MYH3: variants seen among roughly 807,000 people sequenced by gnomAD.
MYH3 encodes the protein myosin heavy chain 3, also known as myosin-3.
In MYH3, 130 loss-of-function variants were observed where a neutral mutation model predicts 238.0. The observed-to-expected ratio is 0.55, with a 90% CI of 0.47 to 0.63. The LOEUF is 0.63. Among genes scored for constraint, MYH3 ranks in the 30% least tolerant of loss-of-function variants. MYH3 has a pLI of 0.00. For missense variants in MYH3, 1,853 were observed against 2,374.9 expected (o/e 0.78, Z 4.57); for synonymous variants, 880 against 924.1 (o/e 0.95, Z 0.86).
At chr17:10,640,970 G>A in intron 19 of MYH3, 115 bp downstream of exon 19, 1 of 945,592 alleles carries the variant, frequency 1.1e-6, no homozygotes, top group Non-Finnish European at 1.7e-6. Context: ...CAGTTTACAT[G>A]GAGGTCCATA....
At chr17:10,668,686 T>C in the MYH3 span, among the ~76,000 whole-genome samples, 5 of 152,212 alleles carry the variant, frequency 3.3e-5, no homozygotes, top group Non-Finnish European at 5.9e-5. Flanking sequence ...TGCTTACTTA[T>C]AGGAGTTTTA....
chr17:10,649,678 A>T lies in MYH3; in HGVS notation c.541T>A (p.Ser181Thr). 1 of 1,614,090 alleles carries T rather than the reference A, an allele frequency of 6.2e-7. No individual in the cohort carries two copies. The stretch of plus-strand genomic sequence containing the variant: ...GTGTTCACAGTCTTTCCTGCCCCGG[A>T]TTCTCCGCTGTACAGAGTGATCAAA... ...ENQSILITGE[S>T]GAGKTVNTKR... The change falls in exon 7 of 41, where the codon TCC (serine) becomes ACC (threonine). Residue 181 changes from serine to threonine, a missense_variant. Around this residue, in one of 3 missense-constraint regions of MYH3, gnomAD observed 678 missense variants for 1,058.9 expected, o/e 0.64. Transcript: ENST00000583535.
intron 40 of MYH3, among the ~76,000 whole-genome samples, chr17:10,629,211 G>A (rs1472021474): frequency 6.6e-6 from 1 of 151,918 alleles, no homozygotes; most frequent in Non-Finnish European, 1.5e-5. Flanking sequence ...CCCGGTGTGT[G>A]ATGTTCCCCT....
chr17:10,664,062 TAAAAAAA>T, the MYH3 span, among the ~76,000 whole-genome samples: 1 of 63,342 alleles, frequency 1.6e-5, no homozygotes, highest in Non-Finnish European at 3.3e-5. Context: ...GACTCCGTCT[TAAAAAAA>T]AAAAAAAAAA....
upstream of MYH3, among the ~76,000 whole-genome samples, chr17:10,661,596 C>T (rs778836778): frequency 2.8e-4 from 42 of 152,276 alleles, no homozygotes; most frequent in Non-Finnish European, 2.2e-4. Flanking sequence ...TGCAGGCCGG[C>T]TCAGCAGGCA....
In MYH3 at chr17:10,635,740, T is replaced by G; in HGVS notation, c.3970A>C (p.Asn1324His). Residue 1324 changes from asparagine to histidine, a missense_variant, in exon 29 of 41, where the codon AAC (asparagine) becomes CAC (histidine). This residue lies in a region of MYH3 where 1,044 missense variants were observed against 1,192.6 expected (regional missense o/e 0.88). Transcript: ENST00000583535. ...EELKRQLEEE[N>H]KAKNALAHAL... Reference sequence around the variant, plus strand: ...GTCTTCCTTCAATGGTGTACCTTGTTCTCTTCCTCCAGCTGCCTCTTGAGC... The same window carrying G: ...GTCTTCCTTCAATGGTGTACCTTGTGCTCTTCCTCCAGCTGCCTCTTGAGC... 1 of 1,613,968 alleles carries G rather than the reference T, an allele frequency of 6.2e-7. No homozygotes were observed. Among genetic ancestry groups the G allele is most frequent in the Non-Finnish European group, 8.5e-7 (1 of 1,179,800 alleles).
chr17:10,629,294 T>C (rs1022673764), intron 40 of MYH3, among the ~76,000 whole-genome samples: 5 of 152,108 alleles, frequency 3.3e-5, no homozygotes, highest in Non-Finnish European at 5.9e-5. Context: ...GTTTTCTGTT[T>C]CTGTGTTAGT....
chr17:10,669,566 CA>C, the MYH3 span, among the ~76,000 whole-genome samples: 164 of 96,426 alleles, frequency 1.7e-3, no homozygotes, highest in Middle Eastern at 6.3e-3. Context: ...GAGTCCATCT[CA>C]AAAAAAAAAA....
chr17:10,671,759 T>G, the MYH3 span, among the ~76,000 whole-genome samples: 1 of 151,918 alleles, frequency 6.6e-6, no homozygotes, highest in South Asian at 2.1e-4. Flanking sequence ...TTTTGTATTT[T>G]TAGTAGAGAC....
chr17:10,635,084 A>G, intron 30 of MYH3, 61 bp from the exon 31 acceptor site: 15 of 1,535,410 alleles, frequency 9.8e-6, no homozygotes, highest in Non-Finnish European at 1.3e-5. Context: ...GAACATCACT[A>G]TTCATCAAGT....
chr17:10,637,995 G>T (rs1367286851), intron 27 of MYH3, 48 bp downstream of exon 27: 1 of 1,613,930 alleles, frequency 6.2e-7, no homozygotes, highest in Non-Finnish European at 8.5e-7. Context: ...AATGACCACG[G>T]AGTGTGTCTG....
the MYH3 span, chr17:10,674,447 CA>C: frequency 5.2e-5 from 15 of 286,972 alleles, no homozygotes; most frequent in South Asian, 2.2e-4. Context: ...AACAAACAAA[CA>C]AAAAAACAGA....
chr17:10,652,011 G>C (rs999476812), intron 4 of MYH3: 1 of 391,522 alleles, frequency 2.6e-6, no homozygotes, highest in Admixed American at 3.7e-5. Context: ...AAAGTGCTGG[G>C]ATTACGGGCG....
the MYH3 span, among the ~76,000 whole-genome samples, chr17:10,666,423 A>AC: frequency 1.3e-5 from 2 of 149,934 alleles, no homozygotes; most frequent in African/African-American, 4.9e-5. Context: ...CTACAAAAAA[A>AC]AACCAGCAGG....
At chr17:10,646,952 G>T (rs1049275124) in intron 10 of MYH3, among the ~76,000 whole-genome samples, 3 of 152,178 alleles carry the variant, frequency 2.0e-5, no homozygotes, top group Admixed American at 6.5e-5. Flanking sequence ...GGAGGCTGGG[G>T]CTGGAGGATT....
At position 10,639,995 on chromosome 17, in the gene MYH3, C is replaced by T. The variant is rs1175557352; in HGVS notation, c.2682+1G>A. The T allele has an allele frequency of 1.2e-5, 19 of 1,613,264 alleles. No individual in the cohort carries two copies. The highest frequency in any genetic ancestry group is 1.6e-5 in the Non-Finnish European group (19 of 1,179,958). ...AAAAAAAAAGATTGCTAAACACGTA[C>T]AGCTTGTACTTGGAGCTGCAGGTCA... On this transcript the variant is annotated splice_donor_variant, in intron 22 of 40. Coordinates refer to ENST00000583535, the MANE Select transcript of MYH3 (RefSeq NM_002470.4). LOFTEE classifies it high-confidence loss of function.
In MYH3 at chr17:10,642,144, T is replaced by C; in HGVS notation, c.1959+96A>G. The C allele has an allele frequency of 8.8e-7, 1 of 1,135,610 alleles. No individual in the cohort carries two copies. Among genetic ancestry groups the C allele is most frequent in the Non-Finnish European group, 1.3e-6 (1 of 764,148 alleles). 70.3% of individuals were successfully genotyped at this position (1,135,610 alleles called of 1,614,324 possible). ...GACAGTAATCAGATTAAGACAACACTACTACTCTCAAATAAATCAAGCTTA... is the reference window on the plus strand; with the variant it reads ...GACAGTAATCAGATTAAGACAACACCACTACTCTCAAATAAATCAAGCTTA... On this transcript the variant is annotated intron_variant, in intron 17 of 40. Coordinates refer to ENST00000583535, the MANE Select transcript of MYH3 (RefSeq NM_002470.4). The surrounding 1 kb of genome is among the most constrained non-coding windows in gnomAD (Gnocchi z 5.4).
the MYH3 span, chr17:10,676,281 G>C: frequency 5.9e-5 from 9 of 152,088 alleles, no homozygotes; most frequent in Admixed American, 5.9e-4. Flanking sequence ...TAGTAGAGAC[G>C]GGTTTCTCCA....
At chr17:10,652,085 G>T (rs1019094854) in intron 4 of MYH3, 3 of 411,348 alleles carry the variant, frequency 7.3e-6, no homozygotes, top group Non-Finnish European at 1.4e-5. Flanking sequence ...ACTTATAAAG[G>T]GGGGAGGCTA....
Sources: allele counts gnomAD v4.1 joint callset (sites outside exome capture counted in the v4.1 genomes callset), GRCh38; gene constraint gnomAD v4.1.1; regional missense constraint gnomAD v4.1.1; non-coding constraint Gnocchi (gnomAD v3.1); transcripts MANE v1.5; gene names NCBI Gene and HGNC (gene_info 2026-07-23, HGNC 2026-07-21).